The following SERP2 variants were observed in gnomAD, a reference collection of about 807,000 sequenced individuals.
SERP2 encodes the protein stress associated endoplasmic reticulum protein family member 2.
In SERP2, 6 loss-of-function variants were observed where a neutral mutation model predicts 9.1. That is an observed-to-expected ratio of 0.66 (90% confidence interval 0.36 to 1.30). The LOEUF is 1.30. Among genes scored for constraint, SERP2 ranks in the 50% most tolerant of loss-of-function variants. The pLI is 0.03. For missense variants in SERP2, 58 were observed against 81.9 expected (o/e 0.71, Z 1.13); for synonymous variants, 37 against 27.3 (o/e 1.35, Z -1.10).
intron 2 of SERP2, chr13:44,390,312 CTGGA>C (rs1566094158): frequency 8.6e-6 from 3 of 347,752 alleles, no homozygotes; most frequent in Admixed American, 2.9e-5. Context: ...CCCACCCGCC[CTGGA>C]CACTTGCTCC....
At chr13:44,385,960 C>T (rs572617705) in intron 2 of SERP2, among the ~76,000 whole-genome samples, 83 of 152,326 alleles carry the variant, frequency 5.4e-4, no homozygotes, top group Non-Finnish European at 1.0e-3. Context: ...TGCCTTTCAT[C>T]CTTCCCGGCT....
At chr13:44,383,784 C>T (rs887029283) in intron 2 of SERP2, among the ~76,000 whole-genome samples, 1 of 151,182 alleles carries the variant, frequency 6.6e-6, no homozygotes. Flanking sequence ...ATCTCTTGAC[C>T]TCATGATCCG....
At chr13:44,389,638 T>C (rs1298242550) in intron 2 of SERP2, among the ~76,000 whole-genome samples, 2 of 152,066 alleles carry the variant, frequency 1.3e-5, no homozygotes, top group South Asian at 2.1e-4. Flanking sequence ...TGGGTGAGCA[T>C]AGCACTGAGA....
Position 44,379,718 on chromosome 13 carries a change from G to T in SERP2, c.157+5G>T. The T allele has an allele frequency of 6.2e-7, 1 of 1,603,662 alleles. No homozygotes were observed. Among genetic ancestry groups the T allele is most frequent in the Non-Finnish European group, 8.5e-7 (1 of 1,172,834 alleles). ...TTTTTGTTGTCTGTGGCTCAGGTAT[G>T]GGTGTTTCACTGAACTTATATCCCA... On this transcript the variant is annotated splice_donor_5th_base_variant and intron_variant, in intron 2 of 2. Transcript: ENST00000379179.
intron 2 of SERP2, chr13:44,390,715 G>C (rs1339241844): frequency 1.2e-5 from 2 of 166,120 alleles, no homozygotes; most frequent in African/African-American, 4.8e-5. Context: ...TTTTAATAGC[G>C]CCTCCTTGCC....
intron 2 of SERP2, among the ~76,000 whole-genome samples, chr13:44,391,387 G>A (rs926152016): frequency 1.3e-5 from 2 of 152,172 alleles, no homozygotes; most frequent in African/African-American, 2.4e-5. Flanking sequence ...TGTGCTCTTT[G>A]CAATCGTTCA....
chr13:44,387,188 T>C (rs567785623), intron 2 of SERP2, among the ~76,000 whole-genome samples: 3 of 152,324 alleles, frequency 2.0e-5, no homozygotes, highest in African/African-American at 4.8e-5. Flanking sequence ...CTCAAGGCAC[T>C]TGCAGACTTG....
intron 2 of SERP2, among the ~76,000 whole-genome samples, chr13:44,396,530 T>C (rs1873115345): frequency 6.6e-6 from 1 of 151,754 alleles, no homozygotes; most frequent in South Asian, 2.1e-4. Context: ...CTGGGGAAGA[T>C]GTGAAAAAGA....
At position 44,397,621 on chromosome 13, in the gene SERP2, G is replaced by A; in HGVS notation, c.*309G>A. On this transcript the variant is annotated 3_prime_UTR_variant, in exon 3 of 3. Coordinates refer to ENST00000379179, the MANE Select transcript of SERP2 (RefSeq NM_001010897.3). ...CTTGGTTTCACTAATGCGTGCATGT[G>A]GCCCTCTGAACGATCACTGGTTTAC... 2.3e-6 allele frequency: 1 copy of A among 438,662 alleles called. No individual in the cohort carries two copies. The highest frequency in any genetic ancestry group is 2.0e-5 in the African/African-American group (1 of 50,010). 27.2% of individuals were successfully genotyped at this position (438,662 alleles called of 1,614,324 possible).
chr13:44,390,784 G>A (rs1411242654), intron 2 of SERP2: 1 of 157,270 alleles, frequency 6.4e-6, no homozygotes, highest in African/African-American at 2.4e-5. Context: ...GAAGCCACCA[G>A]AAAATGGCAT....
At chr13:44,382,945 C>A (rs1872087032) in intron 2 of SERP2, among the ~76,000 whole-genome samples, 2 of 152,294 alleles carry the variant, frequency 1.3e-5, no homozygotes, top group South Asian at 4.1e-4. Flanking sequence ...GGATAAGGAA[C>A]TTCTAAATCA....
Position 44,373,962 on chromosome 13 carries a change from C to A in SERP2, c.-64C>A. The A allele has an allele frequency of 6.9e-7, 1 of 1,457,456 alleles. No homozygotes were observed. Among genetic ancestry groups the A allele is most frequent in the Non-Finnish European group, 9.3e-7 (1 of 1,069,704 alleles). The allele number at this position is 1,457,456 out of a possible 1,614,324, so 90.3% of individuals were successfully genotyped here. On this transcript the variant is annotated 5_prime_UTR_variant, in exon 1 of 3. Coordinates refer to ENST00000379179, the MANE Select transcript of SERP2 (RefSeq NM_001010897.3). The surrounding 1 kb of genome is among the most constrained non-coding windows in gnomAD (Gnocchi z 4.8). ...GGGGCCTCGGCGGGACGCGCTCGGCCCTGTCGCAGGAGCTAACGCAGGGGG... is the reference window on the plus strand; with the variant it reads ...GGGGCCTCGGCGGGACGCGCTCGGCACTGTCGCAGGAGCTAACGCAGGGGG...
intron 2 of SERP2, among the ~76,000 whole-genome samples, chr13:44,393,632 T>C (rs1483118942): frequency 6.6e-6 from 1 of 152,188 alleles, no homozygotes; most frequent in Non-Finnish European, 1.5e-5. Context: ...TCTGCTGTTT[T>C]CTCAGCTTTG....
chr13:44,392,196 C>A (rs75488487), intron 2 of SERP2, among the ~76,000 whole-genome samples: 44 of 35,984 alleles, frequency 1.2e-3, no homozygotes, highest in South Asian at 3.8e-3. Flanking sequence ...GACTCTGTCT[C>A]AAAAAAAAAA....
At chr13:44,397,182 C>A in intron 2 of SERP2, 90 bp from the exon 3 acceptor site, 1 of 996,712 alleles carries the variant, frequency 1.0e-6, no homozygotes, top group Non-Finnish European at 1.6e-6. Context: ...CGTCAGGGCC[C>A]AGGGGTCTGC....
upstream of SERP2, chr13:44,373,726 T>C (rs1011614451): frequency 2.8e-6 from 1 of 358,756 alleles, no homozygotes; most frequent in Non-Finnish European, 5.0e-6. The surrounding 1 kb of genome is among the most constrained non-coding windows in gnomAD (Gnocchi z 4.8). Flanking sequence ...CGGGAGGACG[T>C]GCGGTCGCGC....
intron 1 of SERP2, among the ~76,000 whole-genome samples, chr13:44,376,604 G>A (rs899597186): frequency 1.3e-5 from 2 of 151,906 alleles, no homozygotes; most frequent in East Asian, 1.9e-4. Flanking sequence ...GCACAACCCC[G>A]TATCTACTAA....
chr13:44,379,844 T>A, intron 2 of SERP2, 131 bp downstream of exon 2: 1 of 614,516 alleles, frequency 1.6e-6, no homozygotes, highest in Non-Finnish European at 2.9e-6. Context: ...CCTTAAGCCT[T>A]AATCTTAATG....
intron 1 of SERP2, among the ~76,000 whole-genome samples, chr13:44,374,591 C>G (rs573598281): frequency 2.6e-5 from 4 of 152,154 alleles, no homozygotes; most frequent in Non-Finnish European, 5.9e-5. Flanking sequence ...GAATCAATGG[C>G]TAAATGGAGG....
Sources: gnomAD v4.1 joint callset for allele counts (sites outside exome capture counted in the v4.1 genomes callset) on GRCh38, gnomAD v4.1.1 for gene constraint, Gnocchi (gnomAD v3.1) non-coding constraint, MANE v1.5 for transcripts, NCBI Gene and HGNC (gene_info 2026-07-23, HGNC 2026-07-21) for gene names.